Variants in STK24 observed in about 807,000 individuals in gnomAD.
STK24 encodes the protein serine/threonine kinase 24.
A neutral mutation model predicts 55.6 loss-of-function variants in STK24; 21 were observed. The observed-to-expected ratio is 0.38, with a 90% confidence interval of 0.27 to 0.54. The LOEUF (loss-of-function observed/expected upper bound fraction) is 0.54. Among genes scored for constraint, STK24 ranks in the 20% least tolerant of loss-of-function variants. STK24 has a pLI of 0.79. For missense variants in STK24, 383 were observed against 538.4 expected (o/e 0.71, Z 2.86); for synonymous variants, 200 against 215.2 (o/e 0.93, Z 0.62).
intron 1 of STK24, among the ~76,000 whole-genome samples, chr13:98,570,758 A>C (rs531059761): frequency 1.2e-4 from 19 of 152,352 alleles, no homozygotes; most frequent in Admixed American, 3.3e-4. Context: ...TAGGATTAAG[A>C]AACTCCATAG....
chr13:98,543,525 A>G (rs1385169509), intron 1 of STK24, among the ~76,000 whole-genome samples: 4 of 152,216 alleles, frequency 2.6e-5, no homozygotes. Flanking sequence ...GGTCTCCATC[A>G]ACAGCAGCTG....
intron 1 of STK24, among the ~76,000 whole-genome samples, chr13:98,564,523 G>T (rs1172889436): frequency 6.6e-6 from 1 of 152,230 alleles, no homozygotes; most frequent in Non-Finnish European, 1.5e-5. Context: ...CAGGGCAGAG[G>T]AGCTGAAGAG....
chr13:98,551,449 CTTTT>C (rs56822014), intron 1 of STK24, among the ~76,000 whole-genome samples: 1 of 146,132 alleles, frequency 6.8e-6, no homozygotes, highest in Admixed American at 6.9e-5. Flanking sequence ...CATACTTTCT[CTTTT>C]TTTTTTTTTC....
At chr13:98,560,442 T>C (rs1897388754) in intron 1 of STK24, among the ~76,000 whole-genome samples, 1 of 152,246 alleles carries the variant, frequency 6.6e-6, no homozygotes, top group East Asian at 1.9e-4. Context: ...AGTCATAATA[T>C]TGGCACTTAT....
chr13:98,455,326 G>A (rs558233505), intron 10 of STK24: 4 of 152,190 alleles, frequency 2.6e-5, no homozygotes, highest in South Asian at 2.1e-4. Flanking sequence ...CCATAGCCGC[G>A]AACTCCTCAG....
rs1454866837 is a variant in STK24 at position 98,452,343 on chromosome 13, G to A, written c.*830C>T. 10 of 152,588 alleles carry A rather than the reference G, an allele frequency of 6.6e-5. No homozygotes were observed. Among genetic ancestry groups the A allele is most frequent in the Admixed American group, 2.6e-4 (4 of 15,288 alleles). 9.5% of individuals were successfully genotyped at this position (152,588 alleles called of 1,614,324 possible). Reference sequence around the variant, plus strand: ...CGAGAGCGCTTCATGGGGAGAAACTGAAAATTATAATTTAAAGCTTCATGA... The same window carrying A: ...CGAGAGCGCTTCATGGGGAGAAACTAAAAATTATAATTTAAAGCTTCATGA... On this transcript the variant is annotated 3_prime_UTR_variant, in exon 11 of 11. Transcript: ENST00000539966.
chr13:98,480,655 G>A (rs1429660789), intron 3 of STK24, among the ~76,000 whole-genome samples: 2 of 151,968 alleles, frequency 1.3e-5, no homozygotes, highest in African/African-American at 4.8e-5. Flanking sequence ...AATTGGGTAC[G>A]TTAGCCTTCT....
At chr13:98,554,897 C>T (rs979445750) in intron 1 of STK24, among the ~76,000 whole-genome samples, 4 of 151,400 alleles carry the variant, frequency 2.6e-5, no homozygotes, top group Non-Finnish European at 5.9e-5. Flanking sequence ...CACCTGTAAT[C>T]TCAGCTACTC....
Position 98,519,230 on chromosome 13 carries a change from T to A in STK24, c.273+13A>T, listed in dbSNP as rs780480841. 2.5e-6 allele frequency: 4 copies of A among 1,610,016 alleles called. No homozygotes were observed. The highest frequency in any genetic ancestry group is 3.4e-6 in the Non-Finnish European group (4 of 1,176,442). ...TGCTGCAGAACGGAGAAGCACGTTATTTTAAGCCTTACCTTCAGATAGGAT... is the reference window on the plus strand; with the variant it reads ...TGCTGCAGAACGGAGAAGCACGTTAATTTAAGCCTTACCTTCAGATAGGAT... On this transcript the variant is annotated intron_variant, in intron 2 of 10. Transcript: ENST00000539966.
chr13:98,480,763 A>G (rs750556526), intron 3 of STK24, among the ~76,000 whole-genome samples: 7 of 152,188 alleles, frequency 4.6e-5, no homozygotes, highest in Non-Finnish European at 1.0e-4. Flanking sequence ...CTAGAATTAA[A>G]TTTTTTACAG....
chr13:98,494,564 A>G (rs1423816533), intron 2 of STK24, among the ~76,000 whole-genome samples: 1 of 152,156 alleles, frequency 6.6e-6, no homozygotes, highest in Non-Finnish European at 1.5e-5. Context: ...ACCCCAAGCT[A>G]AACAGCTTCC....
intron 2 of STK24, among the ~76,000 whole-genome samples, chr13:98,516,597 G>A (rs1896067942): frequency 6.6e-6 from 1 of 152,174 alleles, no homozygotes; most frequent in Non-Finnish European, 1.5e-5. Context: ...GAAACAATGT[G>A]CCCTACGTCC....
chr13:98,475,511 C>T (rs1454148649), intron 3 of STK24, among the ~76,000 whole-genome samples, 153 bp from the exon 4 acceptor site: 1 of 152,208 alleles, frequency 6.6e-6, no homozygotes, highest in Non-Finnish European at 1.5e-5. Context: ...CTAACAATTA[C>T]AGTCCACTGA....
Position 98,463,728 on chromosome 13 carries a change from G to C in STK24, c.892C>G (p.Gln298Glu). 6.2e-7 allele frequency: 1 copy of C among 1,614,148 alleles called. No homozygotes were observed. Among genetic ancestry groups the C allele is most frequent in the Non-Finnish European group, 8.5e-7 (1 of 1,180,012 alleles). ...IDRYKRWKAE[Q>E]SHDDSSSEDS... ...TCGGAGCTCGAGTCGTCATGGCTCT[G>C]CTCGGCCTTCCATCTCTTGTACCTG... The change falls in exon 7 of 11, where the codon CAG becomes GAG. Residue 298 changes from glutamine (Q) to glutamate (E), a missense_variant. Gln to Glu is a conservative substitution (Grantham distance 29). Transcript: ENST00000539966.
intron 6 of STK24, among the ~76,000 whole-genome samples, chr13:98,465,909 G>A (rs1256632277): frequency 1.3e-5 from 2 of 152,244 alleles, no homozygotes; most frequent in Non-Finnish European, 2.9e-5. Context: ...AAGTAGGCAG[G>A]AAGGGGAGGG....
chr13:98,576,868 CGCAGCCCTCGGGCGGCGG>C lies in STK24; in HGVS notation c.-100_-83del. The C allele has an allele frequency of 1.1e-6, 1 of 946,030 alleles. No homozygotes were observed. The highest frequency in any genetic ancestry group is 1.3e-6 in the Non-Finnish European group (1 of 793,828). The allele number at this position is 946,030 out of a possible 1,614,324, so 58.6% of individuals were successfully genotyped here. On this transcript the variant is annotated 5_prime_UTR_variant, in exon 1 of 11. Coordinates refer to ENST00000539966, the MANE Select transcript of STK24 (RefSeq NM_001032296.4). ...GGGGCGGCGAGGCCCGCGGGCCGCG[CGCAGCCCTCGGGCGGCGG>C]GGCCGGCCGGAGCCCGAGGCCACCC...
intron 1 of STK24, among the ~76,000 whole-genome samples, chr13:98,573,269 G>A (rs1897789660): frequency 6.6e-6 from 1 of 152,170 alleles, no homozygotes; most frequent in Non-Finnish European, 1.5e-5. Flanking sequence ...ACAGAAATGT[G>A]CAAACCAAAA....
chr13:98,527,544 C>T (rs1431888860), intron 1 of STK24, among the ~76,000 whole-genome samples: 1 of 152,206 alleles, frequency 6.6e-6, no homozygotes, highest in Non-Finnish European at 1.5e-5. Flanking sequence ...AGAGGCTGTG[C>T]CCACACCTGG....
chr13:98,509,561 T>G (rs931520244), intron 2 of STK24, among the ~76,000 whole-genome samples: 4 of 152,270 alleles, frequency 2.6e-5, no homozygotes, highest in Non-Finnish European at 5.9e-5. Context: ...CTTCAAATTT[T>G]ATGTTGCCTT....
Sources: allele counts gnomAD v4.1 joint callset (sites outside exome capture counted in the v4.1 genomes callset), GRCh38; gene constraint gnomAD v4.1.1; transcripts MANE v1.5; gene names NCBI Gene and HGNC (gene_info 2026-07-23, HGNC 2026-07-21).